Variants in PTGER3 observed in about 807,000 individuals in gnomAD.
PTGER3 encodes the protein prostaglandin E receptor 3.
Under a neutral mutation model 34.7 loss-of-function variants are expected in PTGER3, and 22 were observed. The ratio of observed to expected loss-of-function variants is 0.63; its 90% confidence interval spans 0.45 to 0.91. The LOEUF (loss-of-function observed/expected upper bound fraction) is 0.91, where lower values mean the gene tolerates loss of function less well. Among genes scored for constraint, PTGER3 ranks in the 40% least tolerant of loss-of-function variants. The pLI is 0.00. For missense variants in PTGER3, 468 were observed against 519.4 expected, an observed-to-expected ratio of 0.90 and a Z score of 0.96; for synonymous variants, 241 against 230.1, an observed-to-expected ratio of 1.05 and a Z score of -0.43.
chr1:70,972,287 C>T (rs1490826501), intron 3 of PTGER3, among the ~76,000 whole-genome samples: 3 of 152,142 alleles, frequency 2.0e-5, no homozygotes, highest in Non-Finnish European at 4.4e-5. Flanking sequence ...CATGCCACTG[C>T]ACTCCAGCCT....
intron 1 of PTGER3, among the ~76,000 whole-genome samples, chr1:71,020,252 GCT>G (rs1473519113): frequency 7.3e-6 from 1 of 137,902 alleles, no homozygotes; most frequent in Non-Finnish European, 1.7e-5. Context: ...CAAATAAACA[GCT>G]CATAAACATT....
chr1:70,875,573 A>T (rs973126361), intron 4 of PTGER3, among the ~76,000 whole-genome samples: 2 of 152,174 alleles, frequency 1.3e-5, no homozygotes, highest in Admixed American at 1.3e-4. Context: ...CATCATCCAG[A>T]TAATCAACAG....
chr1:70,938,752 G>C (rs1191190725), intron 4 of PTGER3, among the ~76,000 whole-genome samples: 1 of 152,112 alleles, frequency 6.6e-6, no homozygotes, highest in Admixed American at 6.5e-5. Flanking sequence ...ACTGTCACCA[G>C]AATAGCTCAG....
intron 2 of PTGER3, among the ~76,000 whole-genome samples, chr1:70,962,134 T>C (rs1407560582): frequency 6.6e-6 from 1 of 152,196 alleles, no homozygotes; most frequent in Non-Finnish European, 1.5e-5. Flanking sequence ...ATTATACAAC[T>C]GCCTAGTATC....
At chr1:71,011,354 T>C (rs1335985419) in intron 2 of PTGER3, 1 of 985,138 alleles carries the variant, frequency 1.0e-6, no homozygotes, top group Non-Finnish European at 1.2e-6. Context: ...AGTATTGGAA[T>C]TTAAAGAGTC....
At chr1:71,030,655 A>G (rs1254019491) in intron 1 of PTGER3, among the ~76,000 whole-genome samples, 2 of 152,188 alleles carry the variant, frequency 1.3e-5, no homozygotes, top group Non-Finnish European at 2.9e-5. Context: ...ATCGTGGTGA[A>G]TGGAATCATT....
At chr1:71,027,806 T>C (rs868864546) in intron 1 of PTGER3, among the ~76,000 whole-genome samples, 9 of 152,208 alleles carry the variant, frequency 5.9e-5, no homozygotes, top group Non-Finnish European at 1.3e-4. Flanking sequence ...CAGCATGTAG[T>C]GAACATAAAA....
chr1:70,905,292 C>T (rs1314251964), intron 4 of PTGER3, among the ~76,000 whole-genome samples: 1 of 152,090 alleles, frequency 6.6e-6, no homozygotes, highest in African/African-American at 2.4e-5. Flanking sequence ...TCAGAGCACC[C>T]ACACAGTGTC....
intron 4 of PTGER3, among the ~76,000 whole-genome samples, chr1:70,909,093 A>G (rs967836428): frequency 1.3e-5 from 2 of 152,204 alleles, no homozygotes; most frequent in Non-Finnish European, 2.9e-5. Flanking sequence ...CCAAATGTCA[A>G]TAGGAGGATG....
At chr1:70,983,247 A>C (rs2100736266) in intron 2 of PTGER3, among the ~76,000 whole-genome samples, 1 of 151,070 alleles carries the variant, frequency 6.6e-6, no homozygotes, top group African/African-American at 2.4e-5. Flanking sequence ...CATTTCATGA[A>C]GTCACCCAGG....
chr1:70,904,856 T>C (rs564145387), intron 4 of PTGER3, among the ~76,000 whole-genome samples: 3 of 151,794 alleles, frequency 2.0e-5, no homozygotes, highest in Non-Finnish European at 4.4e-5. Context: ...TAGTGAGGAG[T>C]GAATGTTAAT....
At chr1:70,853,329 AT>A (rs1287638291) in intron 4 of PTGER3, among the ~76,000 whole-genome samples, 1 of 152,224 alleles carries the variant, frequency 6.6e-6, no homozygotes, top group Non-Finnish European at 1.5e-5. Context: ...AAAAGACATA[AT>A]AAAGAATTAG....
Position 70,911,970 on chromosome 1 carries a change from G to C in PTGER3, c.*23+41793C>G, listed in dbSNP as rs979813155. ...CGTGATCCCAAATATTCACCATTAT[G>C]ATCAAAGAAAAAAATCACTCCCCAG... On this transcript the variant is annotated intron_variant, in intron 4 of 4. Coordinates refer to the PTGER3 transcript ENST00000370931. 2.6e-5 allele frequency among the ~76,000 whole-genome samples: 4 copies of C among 151,840 alleles called. No individual in the cohort carries two copies. In the East Asian group the frequency reaches 7.7e-4, roughly 29 times the overall value.
intron 4 of PTGER3, among the ~76,000 whole-genome samples, chr1:70,924,003 A>G: frequency 6.6e-6 from 1 of 151,626 alleles, no homozygotes; most frequent in South Asian, 2.1e-4. Context: ...AACTGGCCTC[A>G]CACCTTGACT....
intron 2 of PTGER3, among the ~76,000 whole-genome samples, chr1:70,990,388 T>TAC (rs1655346160): frequency 1.8e-5 from 1 of 55,602 alleles, no homozygotes; most frequent in Non-Finnish European, 4.7e-5. Context: ...CACACACACA[T>TAC]ATATATATAT....
intron 2 of PTGER3, among the ~76,000 whole-genome samples, chr1:70,987,383 T>C (rs931519981): frequency 6.6e-6 from 1 of 152,188 alleles, no homozygotes; most frequent in African/African-American, 2.4e-5. Context: ...TTATCTACAG[T>C]TTTTTACAAG....
chr1:70,956,468 A>G (rs748518655), intron 2 of PTGER3, among the ~76,000 whole-genome samples: 14 of 152,134 alleles, frequency 9.2e-5, no homozygotes, highest in Non-Finnish European at 1.9e-4. Context: ...AAAGTGGGGC[A>G]TGAGTACACA....
intron 4 of PTGER3, among the ~76,000 whole-genome samples, chr1:70,933,504 A>G (rs918495309): frequency 7.6e-4 from 116 of 152,192 alleles, no homozygotes; most frequent in African/African-American, 2.7e-3. Context: ...ATTTTCCCCA[A>G]ATAAACATCA....
chr1:70,909,688 C>A (rs1447317587), intron 4 of PTGER3, among the ~76,000 whole-genome samples: 1 of 152,082 alleles, frequency 6.6e-6, no homozygotes, highest in Non-Finnish European at 1.5e-5. Flanking sequence ...CAGTGTCTCC[C>A]AACTGAAGTG....
Sources: allele counts gnomAD v4.1 joint callset (sites outside exome capture counted in the v4.1 genomes callset), GRCh38; gene constraint gnomAD v4.1.1; transcripts MANE v1.5; gene names NCBI Gene and HGNC (gene_info 2026-07-23, HGNC 2026-07-21).